CPA6: variants seen among roughly 807,000 people sequenced by gnomAD.
The protein encoded by CPA6 is carboxypeptidase A6.
A neutral mutation model predicts 63.3 loss-of-function variants in CPA6; 58 were observed. That is an observed-to-expected ratio of 0.92 (90% confidence interval 0.74 to 1.14). CPA6 has a LOEUF of 1.14. Among genes scored for constraint, CPA6 ranks in the 50% most tolerant of loss-of-function variants. The pLI is 0.00. For missense variants in CPA6, 565 were observed against 526.6 expected (o/e 1.07, Z -0.71); for synonymous variants, 185 against 179.0 (o/e 1.03, Z -0.27).
intron 1 of CPA6, among the ~76,000 whole-genome samples, chr8:67,713,574 C>T (rs933320175): frequency 2.0e-5 from 3 of 152,114 alleles, no homozygotes; most frequent in African/African-American, 7.2e-5. Flanking sequence ...CTTAGTAGAA[C>T]TTGGAATACA....
intron 10 of CPA6, among the ~76,000 whole-genome samples, chr8:67,424,690 A>T (rs1033531402): frequency 2.6e-5 from 4 of 152,160 alleles, no homozygotes; most frequent in Non-Finnish European, 1.5e-5. Flanking sequence ...GAGAACCTAT[A>T]TATACTGTGT....
intron 1 of CPA6, among the ~76,000 whole-genome samples, chr8:67,658,171 T>G (rs982299177): frequency 6.6e-6 from 1 of 152,366 alleles, no homozygotes; most frequent in East Asian, 1.9e-4. Flanking sequence ...TAACAGAATT[T>G]TTTTAAAGGC....
chr8:67,442,437 G>A (rs1344291955), intron 8 of CPA6, among the ~76,000 whole-genome samples: 2 of 152,188 alleles, frequency 1.3e-5, no homozygotes, highest in African/African-American at 4.8e-5. Flanking sequence ...ATCATCCTGT[G>A]TGAGTGTTCA....
intron 2 of CPA6, among the ~76,000 whole-genome samples, chr8:67,609,943 A>G (rs1396290508): frequency 6.6e-6 from 1 of 152,200 alleles, no homozygotes; most frequent in Non-Finnish European, 1.5e-5. Flanking sequence ...AATCGCTTGA[A>G]CCTGGGAGGT....
intron 2 of CPA6, among the ~76,000 whole-genome samples, chr8:67,538,329 T>G (rs1476944945): frequency 6.6e-6 from 1 of 152,170 alleles, no homozygotes; most frequent in African/African-American, 2.4e-5. Context: ...TAAGTTTCTT[T>G]GTAGGTCTCT....
intron 9 of CPA6, among the ~76,000 whole-genome samples, chr8:67,428,631 G>A (rs771229423): frequency 3.3e-5 from 5 of 152,058 alleles, no homozygotes; most frequent in South Asian, 4.1e-4. Flanking sequence ...CTACAAGCGC[G>A]TGCCACCACG....
intron 8 of CPA6, among the ~76,000 whole-genome samples, chr8:67,445,958 G>A (rs752226081): frequency 1.3e-5 from 2 of 152,128 alleles, no homozygotes; most frequent in Non-Finnish European, 2.9e-5. Flanking sequence ...AAGATAAAAT[G>A]AAGTAAAGAT....
chr8:67,477,307 A>AG (rs1563968942), intron 8 of CPA6, among the ~76,000 whole-genome samples: 1 of 150,364 alleles, frequency 6.7e-6, no homozygotes, highest in Non-Finnish European at 1.5e-5. Flanking sequence ...AAAAAAAAAA[A>AG]AAGGAAAAAA....
intron 2 of CPA6, among the ~76,000 whole-genome samples, chr8:67,547,734 A>G (rs754107935): frequency 1.3e-5 from 2 of 151,814 alleles, no homozygotes; most frequent in Non-Finnish European, 1.5e-5. Context: ...GGCTCATGCA[A>G]TCCTCCCCCT....
Position 67,579,066 on chromosome 8 carries a change from A to G in CPA6, c.192+45110T>C, listed in dbSNP as rs1206042756. ...TTTAAACAACGTAAATTAAATGTAT[A>G]AATATAGAAACCCAATAGTTCTTTT... On this transcript the variant is annotated intron_variant, in intron 2 of 10. Transcript: ENST00000297770. Among the ~76,000 whole-genome samples the G allele has an allele frequency of 2.6e-5, 4 of 152,372 alleles. No individual in the cohort carries two copies. The South Asian group carries it at 6.2e-4, about 24-fold the overall frequency.
At position 67,422,709 on chromosome 8, in the gene CPA6, A is replaced by C. The variant is rs756402143; in HGVS notation, c.1127-18T>G. On this transcript the variant is annotated intron_variant, in intron 10 of 10. Coordinates refer to ENST00000297770, the MANE Select transcript of CPA6 (RefSeq NM_020361.5). The stretch of plus-strand genomic sequence containing the variant: ...GCTCACATCTAAAAGTTAAAACAAA[A>C]AAAAAAAGATCAGCCTCACTAAAGA... 33 of 1,584,790 alleles carry C rather than the reference A, an allele frequency of 2.1e-5. No individual in the cohort carries two copies. Among genetic ancestry groups the C allele is most frequent in the Non-Finnish European group, 2.7e-5 (32 of 1,168,166 alleles).
chr8:67,475,885 T>TCTTTCTTTCTC (rs1811209512), intron 8 of CPA6, among the ~76,000 whole-genome samples: 2 of 40,918 alleles, frequency 4.9e-5, no homozygotes, highest in South Asian at 8.3e-4. Flanking sequence ...CTTTCTCCTT[T>TCTTTCTTTCTC]CTTTCTTTCT....
At chr8:67,611,334 T>C (rs1274276169) in intron 2 of CPA6, among the ~76,000 whole-genome samples, 1 of 152,196 alleles carries the variant, frequency 6.6e-6, no homozygotes, top group Non-Finnish European at 1.5e-5. Context: ...TCTGCCTGCC[T>C]CAGCCTCCCA....
In CPA6 at chr8:67,696,763, G is replaced by A. The variant is rs144490932; in HGVS notation, c.116+49251C>T. Among the ~76,000 whole-genome samples, 156 of 152,000 alleles carry A rather than the reference G, an allele frequency of 1.0e-3. 6 individuals carry two copies. In the South Asian group the frequency reaches 0.018, roughly 18 times the overall value. The stretch of plus-strand genomic sequence containing the variant: ...AGATAGTAGACAGAAAAGACTACAT[G>A]TTTCCATTTATACCATATCCTGGAA... On this transcript the variant is annotated intron_variant, in intron 1 of 10. Coordinates refer to ENST00000297770, the MANE Select transcript of CPA6 (RefSeq NM_020361.5).
chr8:67,737,188 C>T (rs1817828829), intron 1 of CPA6, among the ~76,000 whole-genome samples: 1 of 152,192 alleles, frequency 6.6e-6, no homozygotes, highest in Non-Finnish European at 1.5e-5. Flanking sequence ...CCTCTGCAGC[C>T]TTCCCTCCCG....
chr8:67,714,072 G>A (rs1280258653), intron 1 of CPA6, among the ~76,000 whole-genome samples: 2 of 152,054 alleles, frequency 1.3e-5, no homozygotes, highest in Non-Finnish European at 2.9e-5. Context: ...TGGAAACGAG[G>A]TTCTTTAGAA....
chr8:67,453,206 A>C (rs188583997), intron 8 of CPA6, among the ~76,000 whole-genome samples: 1 of 152,240 alleles, frequency 6.6e-6, no homozygotes, highest in Non-Finnish European at 1.5e-5. Flanking sequence ...GGTAACTTAG[A>C]CTGGGATGGT....
intron 1 of CPA6, among the ~76,000 whole-genome samples, chr8:67,659,719 C>T (rs1330565392): frequency 6.6e-6 from 1 of 152,206 alleles, no homozygotes; most frequent in Admixed American, 6.5e-5. Context: ...AGTCAATCAG[C>T]TGAATGCTTG....
chr8:67,544,333 C>T (rs944083082), intron 2 of CPA6, among the ~76,000 whole-genome samples: 4 of 152,128 alleles, frequency 2.6e-5, no homozygotes, highest in East Asian at 1.9e-4. Context: ...CAGGAAGGAA[C>T]GCTTCCGTGG....
Sources: gnomAD v4.1 joint callset for allele counts (sites outside exome capture counted in the v4.1 genomes callset) on GRCh38, gnomAD v4.1.1 for gene constraint, MANE v1.5 for transcripts, NCBI Gene and HGNC (gene_info 2026-07-23, HGNC 2026-07-21) for gene names.